SCUBE3: variants seen among roughly 807,000 people sequenced by gnomAD.
SCUBE3 encodes signal peptide, CUB and EGF-like domain-containing protein 3.
Under a neutral mutation model 116.8 loss-of-function variants are expected in SCUBE3, and 33 were observed. That is an observed-to-expected ratio of 0.28 (90% CI 0.21 to 0.38). The LOEUF (loss-of-function observed/expected upper bound fraction) is 0.38. Ranked by LOEUF, SCUBE3 falls within the 10% of genes least tolerant of loss-of-function variation. SCUBE3 has a pLI of 1.00. For synonymous variants in SCUBE3, 418 were observed against 496.9 expected (o/e 0.84, Z 2.11); for missense variants, 1,007 against 1,324.8 (o/e 0.76, Z 3.72).
intron 13 of SCUBE3, 98 bp downstream of exon 13, chr6:35,242,418 C>A: frequency 2.0e-6 from 2 of 1,009,526 alleles, no homozygotes; most frequent in Non-Finnish European, 3.1e-6. Context: ...GAACCCTGAA[C>A]TCTAGGCAGA....
Position 35,233,440 on chromosome 6 carries a change from A to C in SCUBE3, c.712+139A>C. The C allele has an allele frequency of 1.6e-6, 1 of 632,380 alleles. No homozygotes were observed. Among genetic ancestry groups the C allele is most frequent in the East Asian group, 2.7e-5 (1 of 36,872 alleles). 39.2% of individuals were successfully genotyped at this position (632,380 alleles called of 1,614,324 possible). On this transcript the variant is annotated intron_variant, in intron 6 of 21. Coordinates refer to ENST00000274938, the MANE Select transcript of SCUBE3 (RefSeq NM_152753.4). This position sits in a 1 kb window ranked among gnomAD's most constrained non-coding sequence, Gnocchi z 5.7. ...CTGGTGAGGGAGTTAAGACCCAGAA[A>C]ATGCCAGGTCTAGTAAGGGACAACT...
At chr6:35,224,135 A>G (rs1783229160) in intron 1 of SCUBE3, 1 of 152,210 alleles carries the variant, frequency 6.6e-6, no homozygotes, top group South Asian at 2.1e-4. Context: ...AAAATGAGGA[A>G]TGCATCTGCA....
rs776120221 is a variant in SCUBE3 at position 35,241,603 on chromosome 6, C to G, written c.1256C>G (p.Ser419Cys). ...AAAGCCATGCTCAGCTGCAACCGGT[C>G]TGGCAAGAAGGACACCTGTGCCCTG... Reference protein sequence around the residue: ...ASKAMLSCNRSGKKDTCALTC... With the variant: ...ASKAMLSCNRCGKKDTCALTC... Residue 419 changes from serine (S) to cysteine (C), a missense_variant, in exon 11 of 22, where the codon TCT becomes TGT. Around this residue, in one of 5 missense-constraint regions of SCUBE3, gnomAD observed 544 missense variants for 638.9 expected, o/e 0.85. Coordinates refer to ENST00000274938, the MANE Select transcript of SCUBE3 (RefSeq NM_152753.4). The surrounding 1 kb of genome is among the most constrained non-coding windows in gnomAD (Gnocchi z 4.1). 1.2e-6 allele frequency: 2 copies of G among 1,614,194 alleles called. No homozygotes were observed. The highest frequency in any genetic ancestry group is 1.7e-5 in the Admixed American group (1 of 60,032).
In SCUBE3 at chr6:35,243,574, C is replaced by G; in HGVS notation, c.1910-20C>G. The stretch of plus-strand genomic sequence containing the variant: ...GGGAAATGCGGGGGTGGGTGGCTAG[C>G]GCGGCCGACTCTCCCTCAGTCAGCT... On this transcript the variant is annotated intron_variant, in intron 15 of 21. Transcript: ENST00000274938. The surrounding 1 kb of genome is among the most constrained non-coding windows in gnomAD (Gnocchi z 6.6). 6.4e-7 allele frequency: 1 copy of G among 1,572,884 alleles called. No homozygotes were observed. Among genetic ancestry groups the G allele is most frequent in the South Asian group, 1.2e-5 (1 of 86,578 alleles).
chr6:35,227,002 C>T (rs372829106), intron 1 of SCUBE3, among the ~76,000 whole-genome samples: 39 of 152,126 alleles, frequency 2.6e-4, no homozygotes, highest in African/African-American at 8.7e-4. Flanking sequence ...GCACAGGGGC[C>T]GAGGAAAATC....
rs1341028456 is a variant in SCUBE3 at position 35,251,621 on chromosome 6, T to G, written c.*2916T>G. 2 of 152,264 alleles carry G rather than the reference T, an allele frequency of 1.3e-5. No homozygotes were observed. The highest frequency in any genetic ancestry group is 2.9e-5 in the Non-Finnish European group (2 of 68,058). The allele number at this position is 152,264 out of a possible 1,614,324, so 9.4% of individuals were successfully genotyped here. A position where few individuals can be genotyped will look rare whatever the true frequency, so the allele number is the denominator to read the frequency against. Reference sequence around the variant, plus strand: ...AAATACACATCCTTCAACCATTTATTCCATGGCTTATGAGACCTGCAAATG... The same window carrying G: ...AAATACACATCCTTCAACCATTTATGCCATGGCTTATGAGACCTGCAAATG... On this transcript the variant is annotated 3_prime_UTR_variant, in exon 22 of 22. Coordinates refer to ENST00000274938, the MANE Select transcript of SCUBE3 (RefSeq NM_152753.4).
In SCUBE3 at chr6:35,231,212, G is replaced by A. The variant is rs1458260016; in HGVS notation, c.335-513G>A. 6.6e-6 allele frequency among the ~76,000 whole-genome samples: 1 copy of A among 152,136 alleles called. No individual in the cohort carries two copies. Among genetic ancestry groups the A allele is most frequent in the Non-Finnish European group, 1.5e-5 (1 of 68,008 alleles). On this transcript the variant is annotated intron_variant, in intron 3 of 21. Coordinates refer to ENST00000274938, the MANE Select transcript of SCUBE3 (RefSeq NM_152753.4). This position sits in a 1 kb window ranked among gnomAD's most constrained non-coding sequence, Gnocchi z 4.2. Reference sequence around the variant, plus strand: ...AGAAATGGTCCCTGCTCCACAAGGAGGTGAGGCTCAGCTGCCTTTCCCCAC... The same window carrying A: ...AGAAATGGTCCCTGCTCCACAAGGAAGTGAGGCTCAGCTGCCTTTCCCCAC...
intron 21 of SCUBE3, 95 bp from the exon 22 acceptor site, chr6:35,248,461 G>A (rs1380112450): frequency 8.7e-7 from 1 of 1,152,044 alleles, no homozygotes; most frequent in Non-Finnish European, 1.3e-6. Context: ...AGTATAGGAT[G>A]CCTAGTAGAC....
rs1236936407 is a variant in SCUBE3, at chr6:35,244,080, T to C, written c.2189T>C (p.Leu730Pro). 1 of 1,613,848 alleles carries C rather than the reference T, an allele frequency of 6.2e-7. No homozygotes were observed. Among genetic ancestry groups the C allele is most frequent in the South Asian group, 1.1e-5 (1 of 91,044 alleles). ...CTATGCTTCCCTTGTGGTGGGGGCC[T>C]CACCACCAAGCATGAAGGGGCCATT... ...RTLCFPCGGG[L>P]TTKHEGAISF... The change falls in exon 17 of 22, where the codon CTC becomes CCC. Residue 730 changes from leucine (L) to proline (P), a missense_variant. By Grantham distance (98) the Leu-to-Pro change is moderately conservative. Coordinates refer to ENST00000274938, the MANE Select transcript of SCUBE3 (RefSeq NM_152753.4). This position sits in a 1 kb window ranked among gnomAD's most constrained non-coding sequence, Gnocchi z 4.3.
Position 35,235,367 on chromosome 6 carries a change from G to C in SCUBE3, c.712+2066G>C. ...TTTGGGCTGGCAGTGGGGAGGAGAG[G>C]GTGGGGAGGGGTCCGGGGCCAGAGG... On this transcript the variant is annotated intron_variant, in intron 6 of 21. Coordinates refer to ENST00000274938, the MANE Select transcript of SCUBE3 (RefSeq NM_152753.4). The surrounding 1 kb of genome is among the most constrained non-coding windows in gnomAD (Gnocchi z 4.5). The C allele has an allele frequency of 5.0e-6, 3 of 599,844 alleles. No individual in the cohort carries two copies. The highest frequency in any genetic ancestry group is 8.4e-6 in the Non-Finnish European group (3 of 358,718). The allele number at this position is 599,844 out of a possible 1,614,324, so 37.2% of individuals were successfully genotyped here.
chr6:35,228,832 T>A lies in SCUBE3; in HGVS notation c.334+93T>A. ...TATTTCCCAGGGAAGGAGGAGAGAG[T>A]GATCAAGAAGAGCTACATTCACAAG... On this transcript the variant is annotated intron_variant, in intron 3 of 21. Transcript: ENST00000274938. The surrounding 1 kb of genome is among the most constrained non-coding windows in gnomAD (Gnocchi z 4.9). 7.4e-7 allele frequency: 1 copy of A among 1,346,970 alleles called. No homozygotes were observed. The highest frequency in any genetic ancestry group is 1.1e-6 in the Non-Finnish European group (1 of 946,710). The allele number at this position is 1,346,970 out of a possible 1,614,324, so 83.4% of individuals were successfully genotyped here.
Position 35,239,594 on chromosome 6 carries a change from GGAAAGA to G in SCUBE3, c.830-143_830-138del, listed in dbSNP as rs761702925. On this transcript the variant is annotated intron_variant, in intron 7 of 21. Coordinates refer to ENST00000274938, the MANE Select transcript of SCUBE3 (RefSeq NM_152753.4). This position sits in a 1 kb window ranked among gnomAD's most constrained non-coding sequence, Gnocchi z 4.1. ...GAGACAGGAAAGAGAGAGAGAGACA[GGAAAGA>G]GAAAGAGAAAGAGACAGAGAGAGAT... is the stretch of plus-strand genomic sequence containing the variant. Among the ~76,000 whole-genome samples the G allele has an allele frequency of 1.2e-4, 19 of 152,298 alleles. No individual in the cohort carries two copies. The highest frequency in any genetic ancestry group is 4.1e-4 in the South Asian group (2 of 4,824).
Position 35,235,619 on chromosome 6 carries a change from G to T in SCUBE3, c.713-2283G>T. Reference sequence around the variant, plus strand: ...GACTGGGCCCCAACTTGCCAGCAGGGCTATCCTGGCAGCCAGGGCACTGGG... The same window carrying T: ...GACTGGGCCCCAACTTGCCAGCAGGTCTATCCTGGCAGCCAGGGCACTGGG... On this transcript the variant is annotated intron_variant, in intron 6 of 21. Coordinates refer to ENST00000274938, the MANE Select transcript of SCUBE3 (RefSeq NM_152753.4). This position sits in a 1 kb window ranked among gnomAD's most constrained non-coding sequence, Gnocchi z 4.5. 1 of 441,252 alleles carries T rather than the reference G, an allele frequency of 2.3e-6. No individual in the cohort carries two copies. 27.3% of individuals were successfully genotyped at this position (441,252 alleles called of 1,614,324 possible). A position where few individuals can be genotyped will look rare whatever the true frequency, so the allele number is the denominator to read the frequency against.
intron 1 of SCUBE3, chr6:35,224,055 C>T (rs1383695754): frequency 6.6e-6 from 1 of 152,040 alleles, no homozygotes; most frequent in Non-Finnish European, 1.5e-5. Flanking sequence ...ACGGGGCTTA[C>T]AAGGAAGAGC....
chr6:35,229,184 G>A (rs1361689165), intron 3 of SCUBE3, among the ~76,000 whole-genome samples: 1 of 152,084 alleles, frequency 6.6e-6, no homozygotes, highest in African/African-American at 2.4e-5. Context: ...CGAGGCAGAG[G>A]GACTGCTAGA....
At position 35,228,412 on chromosome 6, in the gene SCUBE3, G is replaced by A. The variant is rs1783410669; in HGVS notation, c.209-202G>A. 6.6e-6 allele frequency among the ~76,000 whole-genome samples: 1 copy of A among 152,124 alleles called. No individual in the cohort carries two copies. Among genetic ancestry groups the A allele is most frequent in the African/African-American group, 2.4e-5 (1 of 41,422 alleles). ...GAAAAAAATAGAAAAATAATATTCTGCAACCATGTACAATGGTAATTAGAA... is the reference window on the plus strand; with the variant it reads ...GAAAAAAATAGAAAAATAATATTCTACAACCATGTACAATGGTAATTAGAA... On this transcript the variant is annotated intron_variant, in intron 2 of 21. Transcript: ENST00000274938. This position sits in a 1 kb window ranked among gnomAD's most constrained non-coding sequence, Gnocchi z 4.9.
chr6:35,218,177 G>T (rs1326612795), intron 1 of SCUBE3: 2 of 984,268 alleles, frequency 2.0e-6, no homozygotes. Flanking sequence ...GGGACCTGTT[G>T]TAAGAGGAGC....
At chr6:35,238,522 C>T (rs887256363) in intron 7 of SCUBE3, among the ~76,000 whole-genome samples, 3 of 152,200 alleles carry the variant, frequency 2.0e-5, no homozygotes, top group East Asian at 3.8e-4. Context: ...CCAGCCCTGT[C>T]TCCTACTAGC....
At position 35,245,132 on chromosome 6, in the gene SCUBE3, T is replaced by A; in HGVS notation, c.2402-96T>A. Reference sequence around the variant, plus strand: ...CTAGAACGCAGACTTCCCATAAATGTCTGACCTCTACTTCAGAACTCTTCA... The same window carrying A: ...CTAGAACGCAGACTTCCCATAAATGACTGACCTCTACTTCAGAACTCTTCA... On this transcript the variant is annotated intron_variant, in intron 18 of 21. Coordinates refer to ENST00000274938, the MANE Select transcript of SCUBE3 (RefSeq NM_152753.4). This position sits in a 1 kb window ranked among gnomAD's most constrained non-coding sequence, Gnocchi z 4.2. 1 of 1,112,620 alleles carries A rather than the reference T, an allele frequency of 9.0e-7. No individual in the cohort carries two copies. Among genetic ancestry groups the A allele is most frequent in the Non-Finnish European group, 1.4e-6 (1 of 740,468 alleles). 68.9% of individuals were successfully genotyped at this position (1,112,620 alleles called of 1,614,324 possible).
Sources: allele counts gnomAD v4.1 joint callset (sites outside exome capture counted in the v4.1 genomes callset), GRCh38; gene constraint gnomAD v4.1.1; regional missense constraint gnomAD v4.1.1; non-coding constraint Gnocchi (gnomAD v3.1); transcripts MANE v1.5; gene names NCBI Gene and HGNC (gene_info 2026-07-23, HGNC 2026-07-21).